Variants in CHLSN observed in about 807,000 individuals in gnomAD.
CHLSN encodes cholesin.
At chr7:1,023,300 C>T in the CHLSN span, among the ~76,000 whole-genome samples, 3 of 152,210 alleles carry the variant, frequency 2.0e-5, no homozygotes, top group African/African-American at 7.2e-5. The surrounding 1 kb of genome is among the most constrained non-coding windows in gnomAD (Gnocchi z 5.0). Flanking sequence ...GGAGCGCCCA[C>T]ACCCGCCACC....
the CHLSN span, among the ~76,000 whole-genome samples, chr7:994,648 C>G: frequency 2.0e-5 from 3 of 152,134 alleles, no homozygotes; most frequent in African/African-American, 7.2e-5. Flanking sequence ...CCATGTTGCC[C>G]AGGCTGGTCT....
chr7:1,018,684 CCA>C, the CHLSN span, among the ~76,000 whole-genome samples: 1 of 152,082 alleles, frequency 6.6e-6, no homozygotes, highest in Non-Finnish European at 1.5e-5. Context: ...CTTTGGGAGG[CCA>C]AGGTGGGAGG....
chr7:1,008,812 A>G, the CHLSN span, among the ~76,000 whole-genome samples: 607 of 117,358 alleles, frequency 5.2e-3, 4 homozygotes, highest in Admixed American at 0.015. Context: ...ATACATGTAC[A>G]CACGCACATA....
chr7:1,057,645 TA>T, the CHLSN span: 3 of 770,628 alleles, frequency 3.9e-6, no homozygotes, highest in African/African-American at 5.1e-5. Flanking sequence ...GGGCCTGTGC[TA>T]CAACGCCCTG....
At chr7:1,124,936 G>A in the CHLSN span, among the ~76,000 whole-genome samples, 2 of 152,160 alleles carry the variant, frequency 1.3e-5, no homozygotes. Context: ...TTCTGCTAGA[G>A]AGCCCAGGAC....
the CHLSN span, among the ~76,000 whole-genome samples, chr7:1,136,450 A>G: frequency 8.2e-6 from 1 of 121,746 alleles, no homozygotes; most frequent in Non-Finnish European, 1.6e-5. Flanking sequence ...ATAAATATAT[A>G]TAAACATATA....
the CHLSN span, among the ~76,000 whole-genome samples, chr7:1,018,767 A>T: frequency 1.3e-5 from 2 of 151,754 alleles, no homozygotes; most frequent in African/African-American, 4.8e-5. Context: ...CCTGGATGAG[A>T]GTGAGACCCT....
the CHLSN span, among the ~76,000 whole-genome samples, chr7:1,008,775 C>T: frequency 2.6e-4 from 39 of 152,124 alleles, no homozygotes; most frequent in African/African-American, 2.4e-4. Context: ...TAAACACACA[C>T]GCACACACGC....
chr7:1,014,825 G>A, the CHLSN span, among the ~76,000 whole-genome samples: 1 of 131,542 alleles, frequency 7.6e-6, no homozygotes, highest in African/African-American at 3.4e-5. Context: ...GCAGCGTTCC[G>A]GTTGGTGTCA....
the CHLSN span, among the ~76,000 whole-genome samples, chr7:1,009,049 G>A: frequency 3.1e-4 from 43 of 139,826 alleles, no homozygotes; most frequent in South Asian, 9.2e-3. Flanking sequence ...ATGCACACAC[G>A]TACACGTGCA....
chr7:990,804 C>A, the CHLSN span, among the ~76,000 whole-genome samples: 1 of 152,158 alleles, frequency 6.6e-6, no homozygotes, highest in Non-Finnish European at 1.5e-5. Flanking sequence ...GGTCCTGGCG[C>A]CAGGTGGGGC....
the CHLSN span, among the ~76,000 whole-genome samples, chr7:1,130,435 C>T: frequency 5.9e-5 from 9 of 152,066 alleles, no homozygotes; most frequent in Non-Finnish European, 1.2e-4. Flanking sequence ...AGCAGGGGCC[C>T]GGCCCACGCC....
the CHLSN span, among the ~76,000 whole-genome samples, chr7:1,106,315 G>A: frequency 6.6e-6 from 1 of 152,154 alleles, no homozygotes. Context: ...GGCATCAGAG[G>A]GCCATCCAGA....
chr7:1,035,748 G>C, the CHLSN span, among the ~76,000 whole-genome samples: 3 of 152,166 alleles, frequency 2.0e-5, no homozygotes, highest in Admixed American at 6.5e-5. Context: ...ACCAAAGTTG[G>C]CAAAATCCTG....
the CHLSN span, among the ~76,000 whole-genome samples, chr7:1,005,641 T>C: frequency 6.6e-6 from 1 of 152,244 alleles, no homozygotes; most frequent in Admixed American, 6.5e-5. Context: ...GCCTCTGCTC[T>C]GGCCTGTCAT....
chr7:1,058,064 C>A, the CHLSN span: 1 of 768,036 alleles, frequency 1.3e-6, no homozygotes, highest in South Asian at 1.3e-5. Context: ...AGATGCAGAA[C>A]GCAGAAGCTG....
chr7:1,133,564 C>T, the CHLSN span, among the ~76,000 whole-genome samples: 1 of 151,496 alleles, frequency 6.6e-6, no homozygotes, highest in Non-Finnish European at 1.5e-5. Flanking sequence ...CCCTGGCTAA[C>T]ACAGTGAAAC....
the CHLSN span, among the ~76,000 whole-genome samples, chr7:1,003,900 G>A: frequency 2.4e-5 from 3 of 125,678 alleles, no homozygotes; most frequent in Admixed American, 1.5e-4. Context: ...GAGTCCTGTG[G>A]GTGAGTGGAG....
At chr7:1,037,403 C>T in the CHLSN span, among the ~76,000 whole-genome samples, 19,237 of 124,148 alleles carry the variant, frequency 0.15, 2,331 homozygotes, top group Admixed American at 0.2. Context: ...TGCAGGTGCG[C>T]GCCGCCACGC....
Sources: allele counts gnomAD v4.1 joint callset (sites outside exome capture counted in the v4.1 genomes callset), GRCh38; gene constraint gnomAD v4.1.1; non-coding constraint Gnocchi (gnomAD v3.1); transcripts MANE v1.5; gene names NCBI Gene and HGNC (gene_info 2026-07-23, HGNC 2026-07-21).